The following PACSIN2 variants were observed in gnomAD, a reference collection of about 807,000 sequenced individuals.
PACSIN2 encodes the protein protein kinase C and casein kinase substrate in neurons 2.
A neutral mutation model predicts 63.8 loss-of-function variants in PACSIN2; 25 were observed. The observed-to-expected ratio is 0.39, with a 90% CI of 0.29 to 0.55. PACSIN2 has a LOEUF of 0.55. Among genes scored for constraint, PACSIN2 ranks in the 20% least tolerant of loss-of-function variants. The pLI, the probability that PACSIN2 is intolerant of heterozygous loss-of-function variation, is 0.62. For synonymous variants in PACSIN2, 255 were observed against 256.2 expected (o/e 1.00, Z 0.05); for missense variants, 518 against 646.9 (o/e 0.80, Z 2.16).
chr22:42,878,166 G>A (rs750316841), intron 8 of PACSIN2, among the ~76,000 whole-genome samples: 2 of 152,172 alleles, frequency 1.3e-5, no homozygotes. Flanking sequence ...AGGGCCCCCA[G>A]GGTCTCCTCT....
At chr22:42,996,850 G>A (rs7286299) in intron 1 of PACSIN2, among the ~76,000 whole-genome samples, 53,911 of 152,160 alleles carry the variant, frequency 0.35, 10,901 homozygotes, top group Non-Finnish European at 0.46. Flanking sequence ...CATTTCCTAG[G>A]TATGAGGCCT....
At chr22:42,887,949 TTTCGGGG>T (rs1929614098) in intron 5 of PACSIN2, among the ~76,000 whole-genome samples, 1 of 152,026 alleles carries the variant, frequency 6.6e-6, no homozygotes. Context: ...TCTGCCTCAC[TTTCGGGG>T]CCTGTCACTG....
intron 1 of PACSIN2, among the ~76,000 whole-genome samples, chr22:42,991,171 A>G (rs1601610226): frequency 1.3e-5 from 2 of 152,348 alleles, no homozygotes; most frequent in South Asian, 4.1e-4. Flanking sequence ...AAGCTGCTGT[A>G]CAATGGTATA....
At chr22:42,955,477 A>G (rs553053129) in intron 1 of PACSIN2, among the ~76,000 whole-genome samples, 29 of 129,728 alleles carry the variant, frequency 2.2e-4, no homozygotes, top group African/African-American at 4.8e-4. Context: ...CATCAGGGGG[A>G]AAAAAAAAAA....
At chr22:42,890,004 C>CT (rs573073554) in intron 4 of PACSIN2, among the ~76,000 whole-genome samples, 61,570 of 136,950 alleles carry the variant, frequency 0.45, 14,298 homozygotes, top group Non-Finnish European at 0.49. Flanking sequence ...GCCAAAGGGA[C>CT]TTTTTTTTTT....
At chr22:42,960,440 C>G (rs1934090308) in intron 1 of PACSIN2, among the ~76,000 whole-genome samples, 2 of 152,106 alleles carry the variant, frequency 1.3e-5, no homozygotes, top group Admixed American at 6.5e-5. Flanking sequence ...GGCAGGTGAC[C>G]CCATGGTCTC....
chr22:42,877,103 T>A, intron 8 of PACSIN2, 93 bp from the exon 9 acceptor site: 1 of 1,401,242 alleles, frequency 7.1e-7, no homozygotes, highest in Admixed American at 1.8e-5. Context: ...AAGAGACAAA[T>A]CAGCTCCTCC....
intron 1 of PACSIN2, among the ~76,000 whole-genome samples, chr22:42,960,820 G>A (rs904431638): frequency 1.1e-4 from 17 of 152,206 alleles, no homozygotes; most frequent in African/African-American, 3.9e-4. Flanking sequence ...GTACACTTGA[G>A]ATCTGTGCAC....
At chr22:42,992,242 A>G (rs1441076468) in intron 1 of PACSIN2, among the ~76,000 whole-genome samples, 4 of 152,358 alleles carry the variant, frequency 2.6e-5, no homozygotes, top group South Asian at 2.1e-4. Context: ...AACCTACCAG[A>G]ATGGCAAAAA....
chr22:42,993,045 A>G (rs1476966804), intron 1 of PACSIN2, among the ~76,000 whole-genome samples: 1 of 152,042 alleles, frequency 6.6e-6, no homozygotes, highest in African/African-American at 2.4e-5. Flanking sequence ...ATGCACTTAT[A>G]GTCCCAGCTA....
chr22:42,913,612 T>C (rs1448342801), intron 1 of PACSIN2, among the ~76,000 whole-genome samples: 1 of 152,082 alleles, frequency 6.6e-6, no homozygotes, highest in Admixed American at 6.6e-5. Context: ...TACTAAGTAC[T>C]GTTATACACC....
At chr22:43,003,724 C>G (rs1045851842) in intron 1 of PACSIN2, among the ~76,000 whole-genome samples, 1 of 152,230 alleles carries the variant, frequency 6.6e-6, no homozygotes, top group Non-Finnish European at 1.5e-5. Context: ...CAGTCCTCTA[C>G]AGAAACACAA....
At chr22:43,008,542 C>T (rs1924246760) in intron 1 of PACSIN2, among the ~76,000 whole-genome samples, 1 of 152,254 alleles carries the variant, frequency 6.6e-6, no homozygotes, top group South Asian at 2.1e-4. Context: ...AGCCACCACG[C>T]CCGGCCTAAG....
chr22:42,916,946 G>T (rs571984454), intron 1 of PACSIN2, among the ~76,000 whole-genome samples: 1 of 152,254 alleles, frequency 6.6e-6, no homozygotes, highest in South Asian at 2.1e-4. Context: ...TCCTGTCATT[G>T]TTGCTACTGG....
At chr22:42,894,612 T>C (rs1930149534) in intron 2 of PACSIN2, among the ~76,000 whole-genome samples, 1 of 152,228 alleles carries the variant, frequency 6.6e-6, no homozygotes, top group African/African-American at 2.4e-5. Flanking sequence ...CTAAGCTGAG[T>C]TTTGACTGCC....
At chr22:42,956,191 A>G (rs1450496539) in intron 1 of PACSIN2, among the ~76,000 whole-genome samples, 1 of 152,238 alleles carries the variant, frequency 6.6e-6, no homozygotes, top group Admixed American at 6.5e-5. Flanking sequence ...ATGCCATACT[A>G]TTGTGATGAC....
chr22:42,995,855 G>A (rs969743624), intron 1 of PACSIN2, among the ~76,000 whole-genome samples: 1 of 152,190 alleles, frequency 6.6e-6, no homozygotes, highest in Non-Finnish European at 1.5e-5. Flanking sequence ...CTTGAAGCCA[G>A]GAGTTCAAGA....
intron 10 of PACSIN2, among the ~76,000 whole-genome samples, chr22:42,875,469 A>G (rs903212228): frequency 1.1e-4 from 16 of 152,020 alleles, no homozygotes; most frequent in Admixed American, 9.2e-4. Context: ...TACTGGGCTC[A>G]GGTGATCCTC....
chr22:42,962,973 T>A (rs996619168), intron 1 of PACSIN2, among the ~76,000 whole-genome samples: 4 of 152,152 alleles, frequency 2.6e-5, no homozygotes, highest in Admixed American at 6.5e-5. Context: ...AGCTCTCCTG[T>A]CCCTGGCAGT....
Sources: allele counts gnomAD v4.1 joint callset (sites outside exome capture counted in the v4.1 genomes callset), GRCh38; gene constraint gnomAD v4.1.1; transcripts MANE v1.5; gene names NCBI Gene and HGNC (gene_info 2026-07-23, HGNC 2026-07-21).